The following TBC1D22A variants were observed in gnomAD, a reference collection of about 807,000 sequenced individuals.
TBC1D22A encodes TBC1 domain family member 22A.
Under a neutral mutation model 60.2 loss-of-function variants are expected in TBC1D22A, and 38 were observed. The observed-to-expected ratio is 0.63, with a 90% CI of 0.49 to 0.83. The LOEUF (loss-of-function observed/expected upper bound fraction) is 0.83. Among genes scored for constraint, TBC1D22A ranks in the 40% least tolerant of loss-of-function variants. The pLI, the probability that TBC1D22A is intolerant of heterozygous loss-of-function variation, is 0.00. For synonymous variants in TBC1D22A, 302 were observed against 281.7 expected (o/e 1.07, Z -0.72); for missense variants, 628 against 701.0 (o/e 0.90, Z 1.18).
intron 8 of TBC1D22A, among the ~76,000 whole-genome samples, chr22:46,939,675 C>G (rs1182210590): frequency 6.6e-6 from 1 of 152,222 alleles, no homozygotes; most frequent in African/African-American, 2.4e-5. Context: ...AGATGACTGT[C>G]TTCGACAAAA....
chr22:46,899,077 G>A (rs1296468851), intron 7 of TBC1D22A, among the ~76,000 whole-genome samples: 2 of 152,198 alleles, frequency 1.3e-5, no homozygotes, highest in African/African-American at 4.8e-5. Flanking sequence ...AGAGTGTGAA[G>A]AGTGGGTAAC....
chr22:46,799,530 T>TC (rs1156849142), intron 4 of TBC1D22A, among the ~76,000 whole-genome samples: 1 of 152,224 alleles, frequency 6.6e-6, no homozygotes, highest in Non-Finnish European at 1.5e-5. Flanking sequence ...TCATCCACAG[T>TC]CCATAGTCAC....
At chr22:47,040,049 A>G (rs986170764) in intron 11 of TBC1D22A, among the ~76,000 whole-genome samples, 4 of 143,474 alleles carry the variant, frequency 2.8e-5, no homozygotes, top group African/African-American at 1.0e-4. Context: ...GGTTCATGCC[A>G]TTCTCCTGCC....
chr22:47,053,397 C>T (rs1239253621), intron 11 of TBC1D22A, among the ~76,000 whole-genome samples: 1 of 152,220 alleles, frequency 6.6e-6, no homozygotes, highest in African/African-American at 2.4e-5. Flanking sequence ...GCACCCCCTC[C>T]TCTGGAGGCC....
At chr22:46,804,373 C>T (rs1365614934) in intron 4 of TBC1D22A, among the ~76,000 whole-genome samples, 2 of 152,248 alleles carry the variant, frequency 1.3e-5, no homozygotes, top group African/African-American at 4.8e-5. Flanking sequence ...CCAAAATTGC[C>T]ACTGTTTCCA....
rs955451366 is a variant in TBC1D22A, at chr22:47,099,266, C to T, written c.1330-12242C>T. Reference sequence around the variant, plus strand: ...GCTGAGGCGCTGTCTATTCACATTACCAGATAAGAAGCCTGGGAGGGAGCT... The same window carrying T: ...GCTGAGGCGCTGTCTATTCACATTATCAGATAAGAAGCCTGGGAGGGAGCT... On this transcript the variant is annotated intron_variant, in intron 11 of 12. Coordinates refer to ENST00000337137, the MANE Select transcript of TBC1D22A (RefSeq NM_014346.5). Among the ~76,000 whole-genome samples the T allele has an allele frequency of 2.6e-5, 4 of 152,026 alleles. No homozygotes were observed. In the East Asian group the frequency reaches 5.8e-4, roughly 22 times the overall value.
In TBC1D22A at chr22:47,133,061, GTAGGCAAATGTT is replaced by G. The variant is rs146319620; in HGVS notation, c.1425+21464_1425+21475del. The stretch of plus-strand genomic sequence containing the variant: ...AAAAAAAGGAACTCCAAAAATTGAA[GTAGGCAAATGTT>G]TAGGCGACGCCTGTAAAATGTAACA... On this transcript the variant is annotated intron_variant, in intron 12 of 12. Transcript: ENST00000337137. Among the ~76,000 whole-genome samples the G allele has an allele frequency of 1.9e-3, 288 of 152,346 alleles. 1 individual carries two copies. The highest frequency in any genetic ancestry group is 6.8e-3 in the African/African-American group (283 of 41,568).
chr22:46,997,508 T>TA lies in TBC1D22A; in HGVS notation c.1126-122dup. On this transcript the variant is annotated intron_variant, in intron 9 of 12. Transcript: ENST00000337137. The stretch of plus-strand genomic sequence containing the variant: ...GCATCCACTTGTGTGTTTCTCGAGA[T>TA]AAAATCTCTGTTTGTGAATTCGTCC... The TA allele has an allele frequency of 4.2e-6, 3 of 722,330 alleles. No homozygotes were observed. In the East Asian group the frequency reaches 8.0e-5, roughly 19 times the overall value. 44.7% of individuals were successfully genotyped at this position (722,330 alleles called of 1,614,324 possible).
At chr22:47,085,663 A>C (rs2064652202) in intron 11 of TBC1D22A, among the ~76,000 whole-genome samples, 1 of 152,236 alleles carries the variant, frequency 6.6e-6, no homozygotes. Context: ...TATATATGTC[A>C]GAAGTCGTCA....
intron 12 of TBC1D22A, among the ~76,000 whole-genome samples, chr22:47,146,950 T>C (rs2067306044): frequency 6.6e-6 from 1 of 152,164 alleles, no homozygotes; most frequent in African/African-American, 2.4e-5. Flanking sequence ...ATTTGAAAAA[T>C]ACCACAGCCC....
At chr22:47,167,394 C>T (rs1193859348) in intron 12 of TBC1D22A, among the ~76,000 whole-genome samples, 35 of 152,194 alleles carry the variant, frequency 2.3e-4, no homozygotes, top group Admixed American at 2.3e-3. Flanking sequence ...TTCACTCCAG[C>T]GGTTCACCAA....
intron 9 of TBC1D22A, among the ~76,000 whole-genome samples, chr22:46,986,399 C>CAA (rs146693901): frequency 1.5e-4 from 19 of 123,470 alleles, no homozygotes; most frequent in East Asian, 2.3e-4. Context: ...CCACTTCCTA[C>CAA]AAAAAAAAAA....
chr22:47,047,504 A>G (rs1043125464), intron 11 of TBC1D22A, among the ~76,000 whole-genome samples: 4 of 152,156 alleles, frequency 2.6e-5, no homozygotes, highest in African/African-American at 9.7e-5. Flanking sequence ...CTGGAAATAG[A>G]TGGAGACAGC....
intron 2 of TBC1D22A, 69 bp from the exon 3 acceptor site, chr22:46,793,432 A>G (rs1416852361): frequency 2.0e-6 from 3 of 1,498,006 alleles, no homozygotes; most frequent in African/African-American, 2.8e-5. Context: ...TCACCTGGGA[A>G]TTCTTTCCTG....
intron 8 of TBC1D22A, among the ~76,000 whole-genome samples, chr22:46,938,802 T>C (rs2071814115): frequency 6.6e-6 from 1 of 151,990 alleles, no homozygotes; most frequent in Non-Finnish European, 1.5e-5. Flanking sequence ...GCCAGGCTGG[T>C]CTCGAACTCC....
chr22:46,888,452 T>C (rs1602324516), intron 5 of TBC1D22A, among the ~76,000 whole-genome samples: 1 of 147,814 alleles, frequency 6.8e-6, no homozygotes, highest in African/African-American at 2.5e-5. Flanking sequence ...CAGTCACTCG[T>C]TCATATGTGA....
chr22:47,044,477 G>T (rs2062966097), intron 11 of TBC1D22A, among the ~76,000 whole-genome samples: 1 of 152,206 alleles, frequency 6.6e-6, no homozygotes, highest in Non-Finnish European at 1.5e-5. Context: ...AGCCCTTGGG[G>T]CTCTCCTGAA....
chr22:47,046,837 A>G (rs958931809), intron 11 of TBC1D22A, among the ~76,000 whole-genome samples: 1 of 152,192 alleles, frequency 6.6e-6, no homozygotes, highest in Non-Finnish European at 1.5e-5. Context: ...TGCCAGACCA[A>G]GGCTGCGGGA....
At chr22:47,096,665 T>C (rs1158742444) in intron 11 of TBC1D22A, among the ~76,000 whole-genome samples, 1 of 151,932 alleles carries the variant, frequency 6.6e-6, no homozygotes, top group Non-Finnish European at 1.5e-5. Flanking sequence ...CTACTAAAAA[T>C]ACAAAAATTA....
Sources: allele counts gnomAD v4.1 joint callset (sites outside exome capture counted in the v4.1 genomes callset), GRCh38; gene constraint gnomAD v4.1.1; transcripts MANE v1.5; gene names NCBI Gene and HGNC (gene_info 2026-07-23, HGNC 2026-07-21).